CR1L: variants seen among roughly 807,000 people sequenced by gnomAD.
CR1L encodes the protein complement component receptor 1-like protein.
Under a neutral mutation model 62.3 loss-of-function variants are expected in CR1L, and 59 were observed. The observed-to-expected ratio is 0.95, with a 90% CI of 0.77 to 1.18. CR1L has a LOEUF of 1.18. Ranked by LOEUF, CR1L falls within the 50% of genes most tolerant of loss-of-function variation. The probability of loss-of-function intolerance (pLI) is 0.00; values close to 1 mark genes in which losing one functional copy is unlikely to be tolerated. For synonymous variants in CR1L, 279 were observed against 248.7 expected, an observed-to-expected ratio of 1.12 and a Z score of -1.15; for missense variants, 700 against 702.8, an observed-to-expected ratio of 1.00 and a Z score of 0.04.
chr1:207,707,836 C>T (rs1359093283), intron 9 of CR1L, among the ~76,000 whole-genome samples: 1 of 98,962 alleles, frequency 1.0e-5, no homozygotes, highest in Non-Finnish European at 2.2e-5. Flanking sequence ...AGGGAATACG[C>T]AAACAAAAAA....
At chr1:207,715,622 T>C (rs1207782632) in intron 10 of CR1L, among the ~76,000 whole-genome samples, 1 of 152,220 alleles carries the variant, frequency 6.6e-6, no homozygotes, top group Non-Finnish European at 1.5e-5. Flanking sequence ...GGGGAATGTG[T>C]GGCAAGAAAC....
chr1:207,672,079 T>C (rs952943262), intron 1 of CR1L, among the ~76,000 whole-genome samples: 2 of 150,928 alleles, frequency 1.3e-5, no homozygotes, highest in African/African-American at 5.0e-5. Flanking sequence ...AAGGCACCAA[T>C]TGAAACAGAT....
intron 4 of CR1L, among the ~76,000 whole-genome samples, chr1:207,692,474 C>T (rs1245978932): frequency 6.6e-6 from 1 of 152,198 alleles, no homozygotes; most frequent in African/African-American, 2.4e-5. Context: ...TGGTGACCAC[C>T]TCTCCATGGG....
chr1:207,672,804 A>T (rs897291965), intron 1 of CR1L, among the ~76,000 whole-genome samples: 1 of 152,168 alleles, frequency 6.6e-6, no homozygotes, highest in African/African-American at 2.4e-5. Context: ...GGGTAATTCC[A>T]ATTTGCTTTC....
In CR1L at chr1:207,708,187, C is replaced by T. The variant is rs1354021296; in HGVS notation, c.1338C>T (p.Leu446=). The T allele has an allele frequency of 1.9e-6, 3 of 1,611,286 alleles. No homozygotes were observed. Among genetic ancestry groups the T allele is most frequent in the Admixed American group, 1.7e-5 (1 of 59,986 alleles). The change falls in exon 10 of 12, where the codon CTC becomes CTT. Residue 446 remains leucine (L), a synonymous_variant. Transcript: ENST00000508064. ...CATTTTTTGCCTTTAGGCACCGACT[C>T]ATTGGTCACTCATCTGCTGAATGTA... ...INYSCTTGHR[L]IGHSSAECIL...
intron 1 of CR1L, among the ~76,000 whole-genome samples, chr1:207,665,801 A>G (rs1663512601): frequency 6.6e-6 from 1 of 152,254 alleles, no homozygotes; most frequent in Non-Finnish European, 1.5e-5. Context: ...ATGAAAAATA[A>G]GAAACACACG....
intron 10 of CR1L, 101 bp downstream of exon 10, chr1:207,708,364 C>T: frequency 1.4e-6 from 2 of 1,434,908 alleles, no homozygotes; most frequent in East Asian, 4.6e-5. Flanking sequence ...GAAATGGTAT[C>T]CTTCTGATAT....
chr1:207,712,449 G>T (rs761776853), intron 10 of CR1L, among the ~76,000 whole-genome samples: 19 of 152,130 alleles, frequency 1.2e-4, no homozygotes, highest in Non-Finnish European at 2.6e-4. Context: ...CTAACTATGA[G>T]GCCTTCAGCA....
At chr1:207,713,526 T>A (rs2102481181) in intron 10 of CR1L, among the ~76,000 whole-genome samples, 1 of 152,348 alleles carries the variant, frequency 6.6e-6, no homozygotes, top group East Asian at 1.9e-4. Flanking sequence ...AGACACCTCA[T>A]CTACTTGGCC....
chr1:207,669,492 G>T, intron 1 of CR1L: 1 of 1,581,076 alleles, frequency 6.3e-7, no homozygotes. Flanking sequence ...GGCAGCCGGC[G>T]CCCGGTCTCC....
At position 207,677,459 on chromosome 1, in the gene CR1L, C is replaced by T. The variant is rs1351095006; in HGVS notation, c.168C>T (p.Pro56=). ...ACCTAACTGATGACTTTGAGTTTCC[C>T]ATTGGGACATATCTGAACTATGAAT... ...PTNLTDDFEF[P]IGTYLNYECR... is the part of the protein sequence containing the mutation. The change falls in exon 2 of 12, where the codon CCC becomes CCT. Residue 56 remains proline, a synonymous_variant. Transcript: ENST00000508064. 7 of 1,613,754 alleles carry T rather than the reference C, an allele frequency of 4.3e-6. No individual in the cohort carries two copies. The highest frequency in any genetic ancestry group is 2.7e-5 in the African/African-American group (2 of 74,900).
chr1:207,664,497 G>A (rs1227442303), intron 1 of CR1L, among the ~76,000 whole-genome samples: 2 of 152,218 alleles, frequency 1.3e-5, no homozygotes, highest in African/African-American at 2.4e-5. Flanking sequence ...GGCAGGAAGA[G>A]ATGGTTTTTT....
chr1:207,663,761 A>G (rs915029565), intron 1 of CR1L, among the ~76,000 whole-genome samples: 1 of 152,172 alleles, frequency 6.6e-6, no homozygotes, highest in Admixed American at 6.5e-5. Flanking sequence ...CTATTCGGCC[A>G]TCTTGGCTCC....
chr1:207,651,451 A>T (rs1271527332), intron 1 of CR1L, among the ~76,000 whole-genome samples: 4 of 152,150 alleles, frequency 2.6e-5, no homozygotes, highest in African/African-American at 9.7e-5. Flanking sequence ...CAGTCTCTCA[A>T]CCTGAGGCAG....
At chr1:207,664,755 G>T (rs746409952) in intron 1 of CR1L, among the ~76,000 whole-genome samples, 12 of 152,224 alleles carry the variant, frequency 7.9e-5, no homozygotes, top group African/African-American at 2.9e-4. Flanking sequence ...AACTACAGGG[G>T]TATTTTTTGA....
At chr1:207,722,169 T>C (rs1274527714) in intron 11 of CR1L, among the ~76,000 whole-genome samples, 1 of 95,498 alleles carries the variant, frequency 1.0e-5, no homozygotes, top group Non-Finnish European at 2.2e-5. Context: ...GGTAGTTTCT[T>C]TTGCTGTGCA....
chr1:207,694,200 A>G (rs1284049924), intron 4 of CR1L, among the ~76,000 whole-genome samples, 153 bp from the exon 5 acceptor site: 1 of 152,232 alleles, frequency 6.6e-6, no homozygotes, highest in Non-Finnish European at 1.5e-5. Flanking sequence ...GACACATCAT[A>G]TTATCCCCAC....
At chr1:207,671,446 T>C (rs917669958) in intron 1 of CR1L, among the ~76,000 whole-genome samples, 12 of 150,894 alleles carry the variant, frequency 8.0e-5, no homozygotes, top group Admixed American at 7.9e-4. Context: ...GGAACTAGGA[T>C]TGTTTTGTCA....
intron 4 of CR1L, among the ~76,000 whole-genome samples, chr1:207,686,168 CTT>C (rs1331280635): frequency 1.2e-4 from 12 of 100,302 alleles, no homozygotes; most frequent in East Asian, 9.0e-4. Context: ...TCCTTCCTTC[CTT>C]CCTTCCTTCC....
Sources: gnomAD v4.1 joint callset for allele counts (sites outside exome capture counted in the v4.1 genomes callset) on GRCh38, gnomAD v4.1.1 for gene constraint, MANE v1.5 for transcripts, NCBI Gene and HGNC (gene_info 2026-07-23, HGNC 2026-07-21) for gene names.